The following PRMT9 variants were observed in gnomAD, a reference collection of about 807,000 sequenced individuals.
The protein encoded by PRMT9 is protein arginine N-methyltransferase 9.
Under a neutral mutation model 83.2 loss-of-function variants are expected in PRMT9, and 59 were observed. That is an observed-to-expected ratio of 0.71 (90% CI 0.57 to 0.88). PRMT9 has a LOEUF of 0.88. PRMT9 is among the 40% of genes least tolerant of loss of function. The pLI is 0.00. For synonymous variants in PRMT9, 333 were observed against 353.2 expected, an observed-to-expected ratio of 0.94 and a Z score of 0.64; for missense variants, 947 against 1,021.9, an observed-to-expected ratio of 0.93 and a Z score of 1.00.
intron 7 of PRMT9, among the ~76,000 whole-genome samples, chr4:147,658,955 G>A (rs1223224390): frequency 6.6e-5 from 10 of 152,110 alleles, no homozygotes; most frequent in Non-Finnish European, 1.2e-4. Context: ...CAAGGCGGAC[G>A]GATCACGAGG....
chr4:147,682,088 C>T (rs1044411984), intron 1 of PRMT9, among the ~76,000 whole-genome samples: 17 of 152,368 alleles, frequency 1.1e-4, no homozygotes, highest in Middle Eastern at 3.4e-3. Context: ...TTACTGCAAC[C>T]TCCGCCTCCC....
chr4:147,642,577 T>C (rs900960761), intron 10 of PRMT9, among the ~76,000 whole-genome samples: 5 of 152,158 alleles, frequency 3.3e-5, no homozygotes, highest in Non-Finnish European at 7.4e-5. Context: ...CATGACAAAA[T>C]TCCTTGGTTA....
Position 147,654,020 on chromosome 4 carries a change from T to C in PRMT9, c.1877A>G (p.Asn626Ser), listed in dbSNP as rs1323416418. Residue 626 changes from asparagine (N) to serine (S), a missense_variant, in exon 9 of 12, where the codon AAT (asparagine) becomes AGT (serine). Asn to Ser is a conservative substitution (Grantham distance 46). Coordinates refer to ENST00000322396, the MANE Select transcript of PRMT9 (RefSeq NM_138364.4). ...RIALDLISEA[N>S]HFPKETLEFW... is the part of the protein sequence containing the mutation. ...CTCAAGTGTTTCTTTAGGAAAGTGATTGGCTTCAGATATGAGGTCCAGAGC... is the reference window on the plus strand; with the variant it reads ...CTCAAGTGTTTCTTTAGGAAAGTGACTGGCTTCAGATATGAGGTCCAGAGC... 13 of 1,614,136 alleles carry C rather than the reference T, an allele frequency of 8.1e-6. No homozygotes were observed. The highest frequency in any genetic ancestry group is 1.1e-5 in the Non-Finnish European group (13 of 1,180,054).
intron 5 of PRMT9, among the ~76,000 whole-genome samples, chr4:147,669,981 A>T (rs1383119690): frequency 6.6e-6 from 1 of 152,188 alleles, no homozygotes; most frequent in African/African-American, 2.4e-5. Flanking sequence ...CCAAAATTCT[A>T]GGCAGTGAGG....
In PRMT9 at chr4:147,640,789, T is replaced by C. The variant is rs570617274; in HGVS notation, c.2200-1707A>G. 7.7e-4 allele frequency among the ~76,000 whole-genome samples: 117 copies of C among 152,276 alleles called. 1 individual carries two copies. Among genetic ancestry groups the C allele is most frequent in the African/African-American group, 2.6e-3 (106 of 41,554 alleles). On this transcript the variant is annotated intron_variant, in intron 10 of 11. Coordinates refer to ENST00000322396, the MANE Select transcript of PRMT9 (RefSeq NM_138364.4). ...CAGACTGCAGTGCAGTGGCACAACC[T>C]TGGCTCACAGCAGCCTCAGCCTCTT... is the stretch of plus-strand genomic sequence containing the variant.
chr4:147,649,696 G>A (rs1733968445), intron 9 of PRMT9, among the ~76,000 whole-genome samples: 1 of 152,094 alleles, frequency 6.6e-6, no homozygotes, highest in Non-Finnish European at 1.5e-5. Context: ...GTAGAAACGG[G>A]GTTTCTCCAT....
chr4:147,660,098 T>C (rs1174475451), intron 7 of PRMT9, among the ~76,000 whole-genome samples: 1 of 152,204 alleles, frequency 6.6e-6, no homozygotes, highest in Non-Finnish European at 1.5e-5. Flanking sequence ...TAATTTGAAA[T>C]GGCAGCATGA....
intron 2 of PRMT9, among the ~76,000 whole-genome samples, 189 bp downstream of exon 2, chr4:147,680,134 C>A (rs1157766620): frequency 6.6e-6 from 1 of 152,218 alleles, no homozygotes; most frequent in Non-Finnish European, 1.5e-5. Context: ...CTCCTAAGGG[C>A]AGTGGCTATT....
At chr4:147,643,032 G>T in intron 9 of PRMT9, 92 bp from the exon 10 acceptor site, 1 of 1,130,588 alleles carries the variant, frequency 8.8e-7, no homozygotes, top group Non-Finnish European at 1.3e-6. Flanking sequence ...GGCCAAGGTG[G>T]GTGGATCACT....
rs1262343693 is a variant in PRMT9 at position 147,678,865 on chromosome 4, T to G, written c.338+1458A>C. Among the ~76,000 whole-genome samples the G allele has an allele frequency of 2.0e-5, 3 of 152,230 alleles. No homozygotes were observed. In the East Asian group the frequency reaches 5.8e-4, roughly 29 times the overall value. Reference sequence around the variant, plus strand: ...GAACTTTGGAGGCTTGCACCTGGTTTTCCTTTACACTTTGCCCCATACACA... The same window carrying G: ...GAACTTTGGAGGCTTGCACCTGGTTGTCCTTTACACTTTGCCCCATACACA... On this transcript the variant is annotated intron_variant, in intron 2 of 11. Coordinates refer to ENST00000322396, the MANE Select transcript of PRMT9 (RefSeq NM_138364.4).
rs1338746424 is a variant in PRMT9, at chr4:147,642,843, G to A, written c.2143C>T (p.Gln715Ter). The stretch of plus-strand genomic sequence containing the variant: ...AATCCAAGAGTACGTTCTGTTCCTT[G>A]AACAGCATTCTCCTCTAGGAGTGTC... Reference protein sequence around the residue: ...SQTLLEENAVQGTERTLGLNI... With the variant: ...SQTLLEENAV Residue 715 changes from glutamine (Q) to a stop codon, truncating the protein, a stop_gained, in exon 10 of 12, where the codon CAA becomes TAA. Coordinates refer to ENST00000322396, the MANE Select transcript of PRMT9 (RefSeq NM_138364.4). LOFTEE classifies it high-confidence loss of function. The A allele has an allele frequency of 1.9e-6, 3 of 1,613,790 alleles. No individual in the cohort carries two copies. The highest frequency in any genetic ancestry group is 1.1e-5 in the South Asian group (1 of 91,068).
chr4:147,683,805 G>A lies in PRMT9; in HGVS notation c.183C>T (p.Asp61=), dbSNP rs2126646412. 6.4e-7 allele frequency: 1 copy of A among 1,571,284 alleles called. No homozygotes were observed. The highest frequency in any genetic ancestry group is 8.6e-7 in the Non-Finnish European group (1 of 1,156,538). The part of the protein sequence containing the change: ...VLSLAPELKH[D]VKETFQYTLF... ...GAGAAAAAAGGACCCTCACCTTCAC[G>A]TCGTGTTTCAGCTCCGGCGCCAGGC... is the stretch of plus-strand genomic sequence containing the variant. Residue 61 remains aspartate (D), a synonymous_variant, in exon 1 of 12, where the codon GAC becomes GAT. Coordinates refer to ENST00000322396, the MANE Select transcript of PRMT9 (RefSeq NM_138364.4).
chr4:147,665,124 C>CAAAAAAAAAA (rs370245859), intron 6 of PRMT9, among the ~76,000 whole-genome samples: 1 of 116,670 alleles, frequency 8.6e-6, no homozygotes, highest in Non-Finnish European at 1.7e-5. Context: ...TCTGTCTAAA[C>CAAAAAAAAAA]AAAAAAAAAA....
chr4:147,641,771 C>T (rs1733419293), intron 10 of PRMT9, among the ~76,000 whole-genome samples: 1 of 152,196 alleles, frequency 6.6e-6, no homozygotes, highest in Non-Finnish European at 1.5e-5. Flanking sequence ...AAGCAATTCT[C>T]CTACCTCAGC....
rs1441345885 is a variant in PRMT9, at chr4:147,661,191, A to T, written c.954-153T>A. 4 of 617,488 alleles carry T rather than the reference A, an allele frequency of 6.5e-6. No individual in the cohort carries two copies. In the African/African-American group the frequency reaches 7.4e-5, roughly 11 times the overall value. The allele number at this position is 617,488 out of a possible 1,614,324, so 38.3% of individuals were successfully genotyped here. A position where few individuals can be genotyped will look rare whatever the true frequency, so the allele number is the denominator to read the frequency against. ...ACATAACTACATAATACACACACAT[A>T]TAAAACCACTAACTATAAAGGAAAA... On this transcript the variant is annotated intron_variant, in intron 6 of 11. Coordinates refer to ENST00000322396, the MANE Select transcript of PRMT9 (RefSeq NM_138364.4).
At chr4:147,641,550 C>T (rs1319717803) in intron 10 of PRMT9, among the ~76,000 whole-genome samples, 1 of 152,200 alleles carries the variant, frequency 6.6e-6, no homozygotes, top group Non-Finnish European at 1.5e-5. Context: ...CACTTCTCAC[C>T]ATCACAGCAG....
intron 2 of PRMT9, among the ~76,000 whole-genome samples, chr4:147,678,311 C>T (rs922994572): frequency 1.3e-5 from 2 of 152,154 alleles, no homozygotes; most frequent in South Asian, 2.1e-4. Flanking sequence ...CTAAAAGGAA[C>T]ATTTAAAATG....
At chr4:147,666,403 A>G (rs1408989466) in intron 6 of PRMT9, among the ~76,000 whole-genome samples, 1 of 152,192 alleles carries the variant, frequency 6.6e-6, no homozygotes, top group East Asian at 1.9e-4. Context: ...CCAGAATTAA[A>G]AGTAGGGATC....
At chr4:147,653,816 AAAAAC>A in intron 9 of PRMT9, 31 bp downstream of exon 9, 1 of 1,523,836 alleles carries the variant, frequency 6.6e-7, no homozygotes, top group Non-Finnish European at 9.0e-7. Flanking sequence ...ACCTCAAAAA[AAAAAC>A]AAAGCCAAAA....
Sources: allele counts gnomAD v4.1 joint callset (sites outside exome capture counted in the v4.1 genomes callset), GRCh38; gene constraint gnomAD v4.1.1; transcripts MANE v1.5; gene names NCBI Gene and HGNC (gene_info 2026-07-23, HGNC 2026-07-21).